The following MARCHF4 variants were observed in gnomAD, a reference collection of about 807,000 sequenced individuals.
MARCHF4 encodes membrane associated ring-CH-type finger 4, also known as E3 ubiquitin-protein ligase MARCHF4.
Under a neutral mutation model 43.9 loss-of-function variants are expected in MARCHF4, and 14 were observed. The ratio of observed to expected loss-of-function variants is 0.32; its 90% CI spans 0.21 to 0.50. MARCHF4 has a LOEUF of 0.50. Among genes scored for constraint, MARCHF4 ranks in the 20% least tolerant of loss-of-function variants. The pLI is 0.98. For synonymous variants in MARCHF4, 226 were observed against 213.3 expected (o/e 1.06, Z -0.52); for missense variants, 468 against 536.7 (o/e 0.87, Z 1.27).
intron 3 of MARCHF4, among the ~76,000 whole-genome samples, chr2:216,261,314 A>G (rs1690740253): frequency 6.6e-6 from 1 of 152,006 alleles, no homozygotes; most frequent in Non-Finnish European, 1.5e-5. Context: ...AGCTTCTAGA[A>G]ATTGCAATTT....
At position 216,370,009 on chromosome 2, in the gene MARCHF4, G is replaced by A; in HGVS notation, c.252C>T (p.Ala84=). The A allele has an allele frequency of 3.2e-6, 5 of 1,539,992 alleles. No homozygotes were observed. Among genetic ancestry groups the A allele is most frequent in the African/African-American group, 1.4e-5 (1 of 73,058 alleles). The change falls in exon 1 of 4, where the codon GCC becomes GCT. Residue 84 remains alanine (A), a synonymous_variant. Transcript: ENST00000273067. ...AANNTLPALG[A]GGWAGWRGPR... Reference sequence around the variant, plus strand: ...GGCCCCTCCAGCCTGCCCACCCCCCGGCGCCCAGAGCCGGAAGGGTGTTGT... The same window carrying A: ...GGCCCCTCCAGCCTGCCCACCCCCCAGCGCCCAGAGCCGGAAGGGTGTTGT...
chr2:216,320,635 C>A (rs1382246303), intron 1 of MARCHF4, among the ~76,000 whole-genome samples: 2 of 111,902 alleles, frequency 1.8e-5, no homozygotes, highest in African/African-American at 4.0e-5. Flanking sequence ...TTCTTTCTTT[C>A]TTTCTTTCTT....
intron 1 of MARCHF4, among the ~76,000 whole-genome samples, chr2:216,284,261 G>A (rs1469475218): frequency 6.6e-6 from 1 of 152,106 alleles, no homozygotes; most frequent in Non-Finnish European, 1.5e-5. Context: ...TGAAGGCCTG[G>A]GTCCCTCCAG....
intron 1 of MARCHF4, among the ~76,000 whole-genome samples, chr2:216,315,799 T>A (rs923188521): frequency 6.6e-6 from 1 of 152,182 alleles, no homozygotes; most frequent in Non-Finnish European, 1.5e-5. Flanking sequence ...TTAGAATGAG[T>A]GTGCATTACC....
intron 1 of MARCHF4, among the ~76,000 whole-genome samples, chr2:216,326,614 T>C (rs1370655384): frequency 2.6e-5 from 4 of 152,038 alleles, no homozygotes; most frequent in African/African-American, 9.7e-5. Context: ...ATATACACCG[T>C]GGAATACTAT....
At chr2:216,261,627 G>A (rs1690745023) in intron 3 of MARCHF4, among the ~76,000 whole-genome samples, 1 of 152,194 alleles carries the variant, frequency 6.6e-6, no homozygotes. Flanking sequence ...TTAGTTTAAG[G>A]TGTCTGATAG....
At chr2:216,367,009 T>C (rs1450558458) in intron 1 of MARCHF4, among the ~76,000 whole-genome samples, 1 of 152,212 alleles carries the variant, frequency 6.6e-6, no homozygotes, top group African/African-American at 2.4e-5. Flanking sequence ...ACTAGCTGGA[T>C]TCTCTTGCTG....
chr2:216,354,887 ATTG>A (rs1445811086), intron 1 of MARCHF4, among the ~76,000 whole-genome samples: 2 of 132,092 alleles, frequency 1.5e-5, no homozygotes, highest in Admixed American at 7.6e-5. Flanking sequence ...TTATTTAATA[ATTG>A]TTTTCTTTCT....
At chr2:216,306,569 T>C (rs983124330) in intron 1 of MARCHF4, among the ~76,000 whole-genome samples, 5 of 152,170 alleles carry the variant, frequency 3.3e-5, no homozygotes, top group Non-Finnish European at 7.4e-5. Context: ...ACTATCAGTT[T>C]TATCTTATAT....
At chr2:216,266,130 C>T (rs994688348) in intron 3 of MARCHF4, 2 of 152,088 alleles carry the variant, frequency 1.3e-5, no homozygotes, top group African/African-American at 4.8e-5. Flanking sequence ...CCTTTGTGCC[C>T]CACAACTAAG....
At chr2:216,330,253 T>A (rs1412624426) in intron 1 of MARCHF4, among the ~76,000 whole-genome samples, 4 of 152,206 alleles carry the variant, frequency 2.6e-5, no homozygotes, top group African/African-American at 9.6e-5. Context: ...TGTGATAGTG[T>A]GGTCAATTTT....
In MARCHF4 at chr2:216,355,154, T is replaced by G. The variant is rs935498782; in HGVS notation, c.516+14591A>C. The stretch of plus-strand genomic sequence containing the variant: ...ACCTGGCTCATTTTTGTATTTTTAG[T>G]AGAGACGGGGTTTCACTATGTTGGT... On this transcript the variant is annotated intron_variant, in intron 1 of 3. Coordinates refer to ENST00000273067, the MANE Select transcript of MARCHF4 (RefSeq NM_020814.3). Among the ~76,000 whole-genome samples, 4 of 152,024 alleles carry G rather than the reference T, an allele frequency of 2.6e-5. No individual in the cohort carries two copies. The East Asian group carries it at 5.8e-4, about 22-fold the overall frequency.
At chr2:216,348,067 C>T (rs910481159) in intron 1 of MARCHF4, among the ~76,000 whole-genome samples, 12 of 122,208 alleles carry the variant, frequency 9.8e-5, no homozygotes, top group South Asian at 2.6e-4. Flanking sequence ...GACAGAGTTT[C>T]GCTTTTGTTG....
rs535127219 is a variant in MARCHF4, at chr2:216,297,367, G to C, written c.517-13638C>G. Among the ~76,000 whole-genome samples the C allele has an allele frequency of 3.6e-4, 55 of 152,180 alleles. 1 individual carries two copies. The highest frequency in any genetic ancestry group is 7.2e-4 in the Non-Finnish European group (49 of 68,002). On this transcript the variant is annotated intron_variant, in intron 1 of 3. Coordinates refer to ENST00000273067, the MANE Select transcript of MARCHF4 (RefSeq NM_020814.3). Reference sequence around the variant, plus strand: ...CAGTGCCTTCCAGTTTTCCCATTCCGATCCATATGTGAAAACCAACATGAG... The same window carrying C: ...CAGTGCCTTCCAGTTTTCCCATTCCCATCCATATGTGAAAACCAACATGAG...
chr2:216,295,862 C>T (rs1050367717), intron 1 of MARCHF4, among the ~76,000 whole-genome samples: 2 of 152,182 alleles, frequency 1.3e-5, no homozygotes, highest in Admixed American at 1.3e-4. Flanking sequence ...AACAGATACC[C>T]CATGACTGGG....
intron 3 of MARCHF4, among the ~76,000 whole-genome samples, chr2:216,269,648 C>T (rs190010072): frequency 7.1e-6 from 1 of 140,956 alleles, no homozygotes; most frequent in African/African-American, 2.6e-5. Context: ...CTACCTGGTC[C>T]CTGATGATTA....
intron 1 of MARCHF4, among the ~76,000 whole-genome samples, chr2:216,330,967 A>C (rs1487721104): frequency 2.0e-5 from 3 of 152,112 alleles, no homozygotes; most frequent in African/African-American, 7.2e-5. Flanking sequence ...AAGGAAGGGA[A>C]TCATAAAAAT....
intron 3 of MARCHF4, among the ~76,000 whole-genome samples, chr2:216,267,132 T>G (rs1260177496): frequency 1.3e-5 from 2 of 152,194 alleles, no homozygotes; most frequent in Non-Finnish European, 2.9e-5. Context: ...GTGACAGAGA[T>G]GGCTAACGGT....
intron 3 of MARCHF4, among the ~76,000 whole-genome samples, chr2:216,276,978 T>G (rs999302908): frequency 4.6e-5 from 7 of 152,164 alleles, no homozygotes; most frequent in Non-Finnish European, 1.0e-4. Context: ...CCAATTTTTT[T>G]TTTCTAAAAC....
Sources: gnomAD v4.1 joint callset for allele counts (sites outside exome capture counted in the v4.1 genomes callset) on GRCh38, gnomAD v4.1.1 for gene constraint, MANE v1.5 for transcripts, NCBI Gene and HGNC (gene_info 2026-07-23, HGNC 2026-07-21) for gene names.